Variants in CCDC85A observed in about 807,000 individuals in gnomAD.
The protein encoded by CCDC85A is coiled-coil domain containing 85A.
A neutral mutation model predicts 50.2 loss-of-function variants in CCDC85A; 38 were observed. The ratio of observed to expected loss-of-function variants is 0.76; its 90% CI spans 0.58 to 0.99. The LOEUF (loss-of-function observed/expected upper bound fraction) is 0.99, where lower values mean the gene tolerates loss of function less well. Among genes scored for constraint, CCDC85A ranks in the 50% least tolerant of loss-of-function variants. The probability of loss-of-function intolerance (pLI) is 0.00; values close to 1 mark genes in which losing one functional copy is unlikely to be tolerated. For synonymous variants in CCDC85A, 366 were observed against 301.4 expected (o/e 1.21, Z -2.22); for missense variants, 820 against 742.0 (o/e 1.11, Z -1.22).
chr2:56,300,328 C>G (rs1384682307), intron 2 of CCDC85A, among the ~76,000 whole-genome samples: 2 of 152,146 alleles, frequency 1.3e-5, no homozygotes, highest in African/African-American at 4.8e-5. Flanking sequence ...AGTAAATGAA[C>G]ATGGAAAATT....
At chr2:56,184,939 G>A in intron 1 of CCDC85A, 39 bp downstream of exon 1, 2 of 1,450,062 alleles carry the variant, frequency 1.4e-6, no homozygotes, top group East Asian at 2.8e-5. Flanking sequence ...GCGCGGCTGG[G>A]AGCGGGGTGC....
Position 56,193,297 on chromosome 2 carries a change from A to G in CCDC85A, c.1097A>G (p.Tyr366Cys), listed in dbSNP as rs1676386190. 1.2e-6 allele frequency: 2 copies of G among 1,613,806 alleles called. No individual in the cohort carries two copies. Among genetic ancestry groups the G allele is most frequent in the Non-Finnish European group, 1.7e-6 (2 of 1,179,800 alleles). The change falls in exon 2 of 6, where the codon TAT becomes TGT. Residue 366 changes from tyrosine to cysteine, a missense_variant. Coordinates refer to ENST00000407595, the MANE Select transcript of CCDC85A (RefSeq NM_001080433.2). ...AGCCCGGAGCACCTCAAACAACATT[A>G]TGGAGGGAGCCCTGATCACAAACAC... ...GTSPEHLKQH[Y>C]GGSPDHKHGG... is the part of the protein sequence containing the mutation.
At chr2:56,357,975 C>T (rs1215355448) in intron 3 of CCDC85A, among the ~76,000 whole-genome samples, 3 of 152,082 alleles carry the variant, frequency 2.0e-5, no homozygotes, top group Admixed American at 6.5e-5. Context: ...GACCCTGGCC[C>T]CCCATGGTTA....
intron 2 of CCDC85A, among the ~76,000 whole-genome samples, chr2:56,215,594 TA>T (rs1429870374): frequency 3.9e-5 from 3 of 76,000 alleles, no homozygotes; most frequent in African/African-American, 1.6e-4. Context: ...TTTTTTTTTT[TA>T]AATCAAACTG....
intron 2 of CCDC85A, among the ~76,000 whole-genome samples, chr2:56,205,282 A>G (rs1676915457): frequency 6.6e-6 from 1 of 152,160 alleles, no homozygotes; most frequent in African/African-American, 2.4e-5. Flanking sequence ...GTTATGTCCC[A>G]TTTAAATGGG....
At chr2:56,357,757 G>A (rs1354283552) in intron 3 of CCDC85A, among the ~76,000 whole-genome samples, 1 of 151,144 alleles carries the variant, frequency 6.6e-6, no homozygotes, top group South Asian at 2.1e-4. Context: ...GCCAGAGCAG[G>A]GTGGATATTT....
intron 3 of CCDC85A, among the ~76,000 whole-genome samples, chr2:56,359,758 AT>A (rs1675429676): frequency 1.3e-5 from 2 of 152,158 alleles, no homozygotes; most frequent in African/African-American, 4.8e-5. Flanking sequence ...TGAATTCTGC[AT>A]TTTTCAGGTT....
In CCDC85A at chr2:56,376,022, T is replaced by C. The variant is rs576144351; in HGVS notation, c.1572+87T>C. Reference sequence around the variant, plus strand: ...AGTCTAGTAGTCCTCACAGTCTTGCTTGAACCATAGATATTTTATTTTTTG... The same window carrying C: ...AGTCTAGTAGTCCTCACAGTCTTGCCTGAACCATAGATATTTTATTTTTTG... On this transcript the variant is annotated intron_variant, in intron 5 of 5. Transcript: ENST00000407595. The C allele has an allele frequency of 2.7e-4, 380 of 1,392,652 alleles. 2 individuals carry two copies. In the South Asian group the frequency reaches 4.7e-3, roughly 17 times the overall value. 86.3% of individuals were successfully genotyped at this position (1,392,652 alleles called of 1,614,324 possible). A position where few individuals can be genotyped will look rare whatever the true frequency, so the allele number is the denominator to read the frequency against.
At chr2:56,197,152 C>T (rs1239725779) in intron 2 of CCDC85A, among the ~76,000 whole-genome samples, 1 of 152,168 alleles carries the variant, frequency 6.6e-6, no homozygotes, top group African/African-American at 2.4e-5. Context: ...GAGGGTATCT[C>T]TCGAGATGGA....
Position 56,184,256 on chromosome 2 carries a change from C to A in CCDC85A, c.-369C>A. The A allele has an allele frequency of 2.2e-6, 2 of 921,180 alleles. No homozygotes were observed. Among genetic ancestry groups the A allele is most frequent in the Non-Finnish European group, 2.6e-6 (2 of 759,564 alleles). The allele number at this position is 921,180 out of a possible 1,614,324, so 57.1% of individuals were successfully genotyped here. A position where few individuals can be genotyped will look rare whatever the true frequency, so the allele number is the denominator to read the frequency against. On this transcript the variant is annotated 5_prime_UTR_variant, in exon 1 of 6. Transcript: ENST00000407595. The stretch of plus-strand genomic sequence containing the variant: ...CAGAGAGTGCGGGGGGCGACAGTCT[C>A]GGCTTAGGGCGGAGGAGAGGGCAGG...
chr2:56,328,428 C>T (rs1199491065), intron 2 of CCDC85A, among the ~76,000 whole-genome samples: 2 of 152,154 alleles, frequency 1.3e-5, no homozygotes, highest in Non-Finnish European at 2.9e-5. Flanking sequence ...AGCTCTGCCT[C>T]TTCCACCTGA....
intron 2 of CCDC85A, among the ~76,000 whole-genome samples, chr2:56,268,867 A>T (rs1023417886): frequency 2.0e-5 from 3 of 152,162 alleles, no homozygotes; most frequent in African/African-American, 4.8e-5. Context: ...CTTCCCTTTG[A>T]CAATTTGAGC....
intron 2 of CCDC85A, among the ~76,000 whole-genome samples, chr2:56,276,476 G>GC (rs897419484): frequency 2.0e-5 from 3 of 151,926 alleles, no homozygotes; most frequent in African/African-American, 7.3e-5. Flanking sequence ...AATTATGGGG[G>GC]CAAGTCTTTC....
chr2:56,205,770 C>T (rs902875259), intron 2 of CCDC85A, among the ~76,000 whole-genome samples: 1 of 152,050 alleles, frequency 6.6e-6, no homozygotes, highest in Admixed American at 6.6e-5. Flanking sequence ...TTGTGTATTC[C>T]ATGTGGGTAC....
intron 3 of CCDC85A, among the ~76,000 whole-genome samples, chr2:56,360,591 A>T (rs1485781056): frequency 6.6e-6 from 1 of 152,240 alleles, no homozygotes; most frequent in Non-Finnish European, 1.5e-5. Flanking sequence ...CTTTTCAGAA[A>T]GTTTTGGCTG....
At chr2:56,311,223 A>G (rs534119170) in intron 2 of CCDC85A, among the ~76,000 whole-genome samples, 4 of 152,114 alleles carry the variant, frequency 2.6e-5, no homozygotes, top group Non-Finnish European at 5.9e-5. Context: ...CAAATTCTAT[A>G]GTCAATTATT....
At chr2:56,255,129 G>A (rs1345564233) in intron 2 of CCDC85A, among the ~76,000 whole-genome samples, 1 of 152,154 alleles carries the variant, frequency 6.6e-6, no homozygotes, top group East Asian at 1.9e-4. Flanking sequence ...ACCTGGAAGT[G>A]ACCCATATTA....
intron 2 of CCDC85A, among the ~76,000 whole-genome samples, chr2:56,247,559 G>C (rs1309533137): frequency 2.6e-5 from 4 of 152,138 alleles, no homozygotes; most frequent in African/African-American, 9.7e-5. Flanking sequence ...TGGGGTCCTT[G>C]AAGCCACCTT....
chr2:56,244,997 G>A (rs544128280), intron 2 of CCDC85A, among the ~76,000 whole-genome samples: 11 of 152,126 alleles, frequency 7.2e-5, no homozygotes, highest in South Asian at 2.1e-4. Context: ...AGAAGGAAGC[G>A]GTCTCTTTTG....
Sources: allele counts gnomAD v4.1 joint callset (sites outside exome capture counted in the v4.1 genomes callset), GRCh38; gene constraint gnomAD v4.1.1; transcripts MANE v1.5; gene names NCBI Gene and HGNC (gene_info 2026-07-23, HGNC 2026-07-21).